Variants in MSH6 observed in about 807,000 individuals in gnomAD.
MSH6 encodes the protein mutS homolog 6, also known as DNA mismatch repair protein Msh6.
A neutral mutation model predicts 119.1 loss-of-function variants in MSH6; 85 were observed. The ratio of observed to expected loss-of-function variants is 0.71; its 90% confidence interval spans 0.60 to 0.85. MSH6 has a LOEUF of 0.85. Ranked by LOEUF, MSH6 falls within the 40% of genes least tolerant of loss-of-function variation. The pLI is 0.00. For synonymous variants in MSH6, 830 were observed against 586.9 expected, an observed-to-expected ratio of 1.41 and a Z score of -5.99; for missense variants, 2,163 against 1,655.3, an observed-to-expected ratio of 1.31 and a Z score of -5.32.
intron 4 of MSH6, among the ~76,000 whole-genome samples, chr2:47,801,801 G>A (rs532538677): frequency 7.2e-5 from 11 of 152,008 alleles, no homozygotes; most frequent in Middle Eastern, 3.4e-3. Flanking sequence ...GGCGTGCCCT[G>A]CTTTATTTTT....
Position 47,799,976 on chromosome 2 carries a change from G to A in MSH6, c.1993G>A (p.Glu665Lys), listed in dbSNP as rs1333555322. 6.2e-7 allele frequency: 1 copy of A among 1,614,090 alleles called. No homozygotes were observed. The highest frequency in any genetic ancestry group is 1.1e-5 in the South Asian group (1 of 91,062). The change falls in exon 4 of 10, where the codon GAG becomes AAG. Residue 665 changes from glutamate (E) to lysine (K), a missense_variant. Coordinates refer to ENST00000234420, the MANE Select transcript of MSH6 (RefSeq NM_000179.3). ...CCAGGTGCTTAAAGGTATGACTTCA[G>A]AGTCTGATTCCATTGGGTTGACACC... is the stretch of plus-strand genomic sequence containing the variant. ...LPQVLKGMTS[E>K]SDSIGLTPGE...
chr2:47,790,887 C>G (rs371730875), intron 1 of MSH6, 40 bp from the exon 2 acceptor site: 1 of 1,597,660 alleles, frequency 6.3e-7, no homozygotes, highest in Non-Finnish European at 8.6e-7. Context: ...GGAAACTTGA[C>G]CAAATATTAA....
At chr2:47,801,620 C>T (rs1007653797) in intron 4 of MSH6, among the ~76,000 whole-genome samples, 6 of 151,938 alleles carry the variant, frequency 3.9e-5, no homozygotes, top group African/African-American at 9.7e-5. Flanking sequence ...CCTCCTGCCT[C>T]GGCTTCCCAA....
rs576926262 is a variant in MSH6 at position 47,805,825 on chromosome 2, C to T, written c.3646+118C>T. On this transcript the variant is annotated intron_variant, in intron 7 of 9. Transcript: ENST00000234420. ...AAACAATATGAATGTTTTTAGAGCA[C>T]GCACTCACCATTGTGGCACAGACCG... 1.7e-4 allele frequency: 143 copies of T among 841,950 alleles called. 2 individuals carry two copies. In the East Asian group the frequency reaches 2.1e-3, roughly 12 times the overall value. The allele number at this position is 841,950 out of a possible 1,614,324, so 52.2% of individuals were successfully genotyped here.
downstream of MSH6, chr2:47,808,948 C>A: frequency 2.4e-6 from 1 of 418,256 alleles, no homozygotes; most frequent in Non-Finnish European, 4.2e-6. Flanking sequence ...CCTCCCACTT[C>A]AGCCTCCCAA....
rs587779322 is a variant in MSH6, at chr2:47,798,789, C to T, written c.806C>T (p.Thr269Ile). The T allele has an allele frequency of 4.3e-6, 7 of 1,613,886 alleles. No individual in the cohort carries two copies. Among genetic ancestry groups the T allele is most frequent in the African/African-American group, 2.7e-5 (2 of 74,832 alleles). Residue 269 changes from threonine (T) to isoleucine (I), a missense_variant, in exon 4 of 10, where the codon ACT (threonine) becomes ATT (isoleucine). Transcript: ENST00000234420. ...GGSDVEFKPDTKEEGSSDEIS... is the reference protein window; with the variant it reads ...GGSDVEFKPDIKEEGSSDEIS... Reference sequence around the variant, plus strand: ...TCTGATGTGGAATTTAAGCCAGACACTAAGGAGGAAGGAAGCAGTGATGAA... The same window carrying T: ...TCTGATGTGGAATTTAAGCCAGACATTAAGGAGGAAGGAAGCAGTGATGAA...
At chr2:47,807,194 C>T, downstream of MSH6, 1 of 268,602 alleles carries the variant, frequency 3.7e-6, no homozygotes, top group Non-Finnish European at 7.1e-6. Flanking sequence ...GGTTTAATTT[C>T]CAGCAGTTTT....
intron 1 of MSH6, 110 bp from the exon 2 acceptor site, chr2:47,790,817 G>C: frequency 2.1e-6 from 2 of 952,888 alleles, no homozygotes; most frequent in Admixed American, 4.2e-5. Context: ...TAGAATTTCT[G>C]TGCTTCAATA....
Position 47,806,266 on chromosome 2 carries a change from G to C in MSH6, c.3709G>C (p.Glu1237Gln), listed in dbSNP as rs1670047042. ...IANAVVKELA[E>Q]TIKCRTLFST... ...AAATGCAGTTGTTAAAGAACTTGCTGAGACTATAAAATGTCGTACATTATT... is the reference window on the plus strand; with the variant it reads ...AAATGCAGTTGTTAAAGAACTTGCTCAGACTATAAAATGTCGTACATTATT... Residue 1237 changes from glutamate (E) to glutamine (Q), a missense_variant, in exon 8 of 10, where the codon GAG (glutamate) becomes CAG (glutamine). Transcript: ENST00000234420. 1.9e-6 allele frequency: 3 copies of C among 1,614,054 alleles called. No individual in the cohort carries two copies. The highest frequency in any genetic ancestry group is 2.5e-6 in the Non-Finnish European group (3 of 1,179,936).
intron 2 of MSH6, among the ~76,000 whole-genome samples, chr2:47,791,414 C>T (rs1294756601): frequency 2.0e-5 from 3 of 152,034 alleles, no homozygotes; most frequent in Admixed American, 6.6e-5. Flanking sequence ...CTTGAAGGGT[C>T]CAAGAGAAAG....
rs1572719700 is a variant in MSH6 at position 47,798,607 on chromosome 2, G to T, written c.628-4G>T. The T allele has an allele frequency of 6.2e-7, 1 of 1,608,810 alleles. No homozygotes were observed. ...TTTTTAAATACTCTTTCCTTGCCTG[G>T]CAGGTAGGCACAACTTACGTAACAG... On this transcript the variant is annotated splice_region_variant and splice_polypyrimidine_tract_variant and intron_variant, in intron 3 of 9. Coordinates refer to ENST00000234420, the MANE Select transcript of MSH6 (RefSeq NM_000179.3).
Sources: allele counts gnomAD v4.1 joint callset (sites outside exome capture counted in the v4.1 genomes callset), GRCh38; gene constraint gnomAD v4.1.1; transcripts MANE v1.5; gene names NCBI Gene and HGNC (gene_info 2026-07-23, HGNC 2026-07-21).